DIAPH3: variants seen among roughly 807,000 people sequenced by gnomAD.
The protein encoded by DIAPH3 is diaphanous related formin 3.
A neutral mutation model predicts 144.3 loss-of-function variants in DIAPH3; 117 were observed. That is an observed-to-expected ratio of 0.81 (90% CI 0.70 to 0.95). DIAPH3 has a LOEUF of 0.95. Among genes scored for constraint, DIAPH3 ranks in the 40% least tolerant of loss-of-function variants. The pLI is 0.00. For missense variants in DIAPH3, 1,421 were observed against 1,412.7 expected, an observed-to-expected ratio of 1.01 and a Z score of -0.09; for synonymous variants, 519 against 488.9, an observed-to-expected ratio of 1.06 and a Z score of -0.81.
At chr13:60,050,847 C>G (rs2056310562) in intron 4 of DIAPH3, among the ~76,000 whole-genome samples, 1 of 151,860 alleles carries the variant, frequency 6.6e-6, no homozygotes, top group African/African-American at 2.4e-5. Flanking sequence ...AGTTAGAAGA[C>G]TACTGCATTG....
chr13:59,938,095 C>A (rs1200990081), intron 17 of DIAPH3, among the ~76,000 whole-genome samples: 1 of 152,128 alleles, frequency 6.6e-6, no homozygotes, highest in Non-Finnish European at 1.5e-5. Flanking sequence ...AAGAATAATG[C>A]CCCAGTTAGC....
intron 27 of DIAPH3, among the ~76,000 whole-genome samples, chr13:59,765,049 C>T (rs961165992): frequency 6.6e-6 from 1 of 152,070 alleles, no homozygotes; most frequent in Admixed American, 6.6e-5. Context: ...GTAACTCTTT[C>T]TCTTGGTGGC....
intron 3 of DIAPH3, among the ~76,000 whole-genome samples, chr13:60,103,278 A>G (rs543639999): frequency 1.3e-5 from 2 of 152,240 alleles, no homozygotes; most frequent in South Asian, 2.1e-4. Context: ...TGAATTACAC[A>G]CGTTAGACTC....
intron 17 of DIAPH3, among the ~76,000 whole-genome samples, chr13:59,939,710 C>T (rs763322149): frequency 7.2e-5 from 11 of 152,158 alleles, no homozygotes; most frequent in Non-Finnish European, 1.6e-4. Context: ...AATGAAATGG[C>T]TCTTTATCTA....
intron 27 of DIAPH3, chr13:59,695,356 C>A (rs999735292): frequency 6.6e-6 from 1 of 152,142 alleles, no homozygotes; most frequent in African/African-American, 2.4e-5. Context: ...TGAGGAATGC[C>A]AGGAGGAATA....
intron 24 of DIAPH3, among the ~76,000 whole-genome samples, chr13:59,818,257 A>T (rs2040884268): frequency 6.6e-6 from 1 of 152,066 alleles, no homozygotes; most frequent in Middle Eastern, 3.4e-3. Context: ...ATCTTTTAAC[A>T]TAAGGATGTT....
intron 3 of DIAPH3, among the ~76,000 whole-genome samples, chr13:60,096,641 C>G (rs940823962): frequency 5.9e-5 from 9 of 152,202 alleles, no homozygotes; most frequent in African/African-American, 1.9e-4. Flanking sequence ...ACCATCTAAT[C>G]AGCTGAAAGC....
intron 1 of DIAPH3, among the ~76,000 whole-genome samples, chr13:60,156,918 C>CATATATAT (rs1233542016): frequency 5.8e-4 from 32 of 55,652 alleles, no homozygotes; most frequent in East Asian, 1.5e-3. Flanking sequence ...CCAGATCCTT[C>CATATATAT]ATATATATAT....
intron 17 of DIAPH3, among the ~76,000 whole-genome samples, chr13:59,939,158 T>C (rs943218662): frequency 2.6e-5 from 4 of 152,186 alleles, no homozygotes; most frequent in African/African-American, 9.7e-5. Context: ...ATTTAAAATG[T>C]ATACGTTCTT....
chr13:59,747,839 G>A (rs567535410), intron 27 of DIAPH3, among the ~76,000 whole-genome samples: 7 of 152,164 alleles, frequency 4.6e-5, no homozygotes, highest in Admixed American at 2.6e-4. Flanking sequence ...TTTCTTTTCC[G>A]CATAGTCAAC....
intron 4 of DIAPH3, among the ~76,000 whole-genome samples, chr13:60,069,592 A>C (rs1296402023): frequency 6.6e-6 from 1 of 151,966 alleles, no homozygotes; most frequent in East Asian, 1.9e-4. Context: ...TTTTCTTCTA[A>C]GGGTTTTTGT....
At position 60,163,837 on chromosome 13, in the gene DIAPH3, TCGA is replaced by T. The variant is rs1952420348; in HGVS notation, c.-74_-72del. ...AAGCCGCAAGCTGGAAGCTGAGGGA[TCGA>T]CAACAGGTTTTACTCCCGGGGTCCG... On this transcript the variant is annotated 5_prime_UTR_variant, in exon 1 of 28. Coordinates refer to ENST00000400324, the MANE Select transcript of DIAPH3 (RefSeq NM_001042517.2). The T allele has an allele frequency of 6.6e-7, 1 of 1,525,024 alleles. No individual in the cohort carries two copies. The highest frequency in any genetic ancestry group is 1.4e-5 in the African/African-American group (1 of 72,864). 94.5% of individuals were successfully genotyped at this position (1,525,024 alleles called of 1,614,324 possible).
chr13:59,983,726 T>G (rs1566611717), intron 13 of DIAPH3, 43 bp downstream of exon 13: 1 of 1,329,414 alleles, frequency 7.5e-7, no homozygotes, highest in East Asian at 2.3e-5. Context: ...ATTCATAGAA[T>G]AAGAGACAAT....
At chr13:59,958,867 C>CTTTTTTTT (rs932649097) in intron 17 of DIAPH3, among the ~76,000 whole-genome samples, 8 of 94,348 alleles carry the variant, frequency 8.5e-5, no homozygotes, top group Non-Finnish European at 1.2e-4. Context: ...CTTCAATAAA[C>CTTTTTTTT]TTTTTTTTTT....
chr13:59,672,168 C>T (rs1228516147), intron 27 of DIAPH3, among the ~76,000 whole-genome samples: 3 of 152,186 alleles, frequency 2.0e-5, no homozygotes, highest in Non-Finnish European at 2.9e-5. Flanking sequence ...CCCTGGCGGA[C>T]GGCCCTTGGG....
chr13:59,942,785 CAT>C (rs1165071316), intron 17 of DIAPH3, among the ~76,000 whole-genome samples: 1 of 151,844 alleles, frequency 6.6e-6, no homozygotes, highest in Non-Finnish European at 1.5e-5. Context: ...GAGCTCATAC[CAT>C]ATACATTATT....
At chr13:59,823,512 T>C (rs1484727136) in intron 24 of DIAPH3, among the ~76,000 whole-genome samples, 1 of 152,156 alleles carries the variant, frequency 6.6e-6, no homozygotes, top group Non-Finnish European at 1.5e-5. Flanking sequence ...CCAAATACAA[T>C]TTTCAAGTTG....
chr13:59,997,280 C>G (rs1293873247), intron 9 of DIAPH3, among the ~76,000 whole-genome samples: 2 of 152,098 alleles, frequency 1.3e-5, no homozygotes, highest in Non-Finnish European at 2.9e-5. Flanking sequence ...TTAGCTCCAA[C>G]ATATAAGTGA....
At chr13:59,685,993 G>C (rs1461168927) in intron 27 of DIAPH3, among the ~76,000 whole-genome samples, 4 of 151,994 alleles carry the variant, frequency 2.6e-5, no homozygotes, top group African/African-American at 9.7e-5. Context: ...TTAAAAGTTG[G>C]CAATCCCCAA....
Sources: gnomAD v4.1 joint callset for allele counts (sites outside exome capture counted in the v4.1 genomes callset) on GRCh38, gnomAD v4.1.1 for gene constraint, MANE v1.5 for transcripts, NCBI Gene and HGNC (gene_info 2026-07-23, HGNC 2026-07-21) for gene names.